The following ZNF333 variants were observed in gnomAD, a reference collection of about 807,000 sequenced individuals.
ZNF333 encodes zinc finger protein 333.
ZNF333 carries 61 observed loss-of-function variants against 76.1 expected under a neutral mutation model. The ratio of observed to expected loss-of-function variants is 0.80; its 90% CI spans 0.65 to 0.99. The LOEUF (loss-of-function observed/expected upper bound fraction) is 0.99, where lower values mean the gene tolerates loss of function less well. ZNF333 is among the 50% of genes least tolerant of loss of function. ZNF333 has a pLI of 0.00. For missense variants in ZNF333, 717 were observed against 822.4 expected (o/e 0.87, Z 1.57); for synonymous variants, 284 against 305.0 (o/e 0.93, Z 0.72).
intron 4 of ZNF333, among the ~76,000 whole-genome samples, chr19:14,698,359 G>A (rs1233039047): frequency 1.5e-5 from 2 of 129,520 alleles, no homozygotes; most frequent in African/African-American, 6.0e-5. Flanking sequence ...GGGCGACAGA[G>A]TGAGACTCCG....
chr19:14,727,587 C>T (rs917738681), intron 11 of ZNF333, among the ~76,000 whole-genome samples: 2 of 151,984 alleles, frequency 1.3e-5, no homozygotes, highest in African/African-American at 2.4e-5. Flanking sequence ...CATTCATGAG[C>T]GATTTGCCCC....
intron 11 of ZNF333, among the ~76,000 whole-genome samples, 192 bp from the exon 12 acceptor site, chr19:14,718,036 A>G (rs1475633964): frequency 6.6e-6 from 1 of 152,228 alleles, no homozygotes; most frequent in Non-Finnish European, 1.5e-5. Context: ...AAAATAATGA[A>G]AAGATAGCTC....
At chr19:14,695,491 G>A in intron 3 of ZNF333, 75 bp from the exon 4 acceptor site, 1 of 1,381,454 alleles carries the variant, frequency 7.2e-7, no homozygotes, top group South Asian at 1.2e-5. Flanking sequence ...AGGAGAGTTT[G>A]AGTTGAGAAA....
rs756174679 is a variant in ZNF333 at position 14,715,418 on chromosome 19, A to T, written c.548A>T (p.Asp183Val). The T allele has an allele frequency of 6.2e-7, 1 of 1,613,892 alleles. No homozygotes were observed. The highest frequency in any genetic ancestry group is 1.3e-5 in the African/African-American group (1 of 74,904). ...CGTGACCCTGCCTGGCTTCAGGAGG[A>T]CAAAGTGGAGGAAGAAGCTATGGCT... Reference protein sequence around the residue: ...PARDPAWLQEDKVEEEAMAPG... With the variant: ...PARDPAWLQEVKVEEEAMAPG... Residue 183 changes from aspartate (D) to valine (V), a missense_variant, in exon 8 of 12, where the codon GAC becomes GTC. Asp to Val is a radical substitution (Grantham distance 152). Transcript: ENST00000292530.
chr19:14,698,935 T>TACAC (rs1555771124), intron 4 of ZNF333, among the ~76,000 whole-genome samples: 3,113 of 139,076 alleles, frequency 0.022, 69 homozygotes, highest in East Asian at 0.069. Context: ...TATATATATA[T>TACAC]ACACACATAT....
chr19:14,693,980 T>TAAAAAAAAAA, intron 2 of ZNF333, among the ~76,000 whole-genome samples: 1 of 113,128 alleles, frequency 8.8e-6, no homozygotes, highest in Non-Finnish European at 1.8e-5. Flanking sequence ...ACCTTGTCTC[T>TAAAAAAAAAA]AAAAAAAAAA....
intron 8 of ZNF333, among the ~76,000 whole-genome samples, chr19:14,715,848 G>C (rs1237767434): frequency 2.6e-5 from 4 of 152,190 alleles, no homozygotes; most frequent in African/African-American, 9.7e-5. Flanking sequence ...CTGGCTCCTT[G>C]TCAATAGATA....
At position 14,720,683 on chromosome 19, in the gene ZNF333, T is replaced by C. The variant is rs1350601890; in HGVS notation, c.*1358T>C. 9 of 985,334 alleles carry C rather than the reference T, an allele frequency of 9.1e-6. No homozygotes were observed. The highest frequency in any genetic ancestry group is 1.1e-5 in the Non-Finnish European group (9 of 829,938). The allele number at this position is 985,334 out of a possible 1,614,324, so 61.0% of individuals were successfully genotyped here. A position where few individuals can be genotyped will look rare whatever the true frequency, so the allele number is the denominator to read the frequency against. On this transcript the variant is annotated 3_prime_UTR_variant, in exon 12 of 12. Coordinates refer to ENST00000292530, the MANE Select transcript of ZNF333 (RefSeq NM_032433.4). ...TGATGCACTTAGTATATGTCAGTTT[T>C]TATAAATGCTTCATGGATGGTTGAA... is the stretch of plus-strand genomic sequence containing the variant.
exon 12 of ZNF333, chr19:14,731,419 C>A: frequency 1.8e-6 from 1 of 565,272 alleles, no homozygotes; most frequent in East Asian, 2.9e-5. Flanking sequence ...ATTGTAGGTT[C>A]CCCGCAAGGA....
At chr19:14,714,540 G>A (rs1442713520) in intron 7 of ZNF333, among the ~76,000 whole-genome samples, 3 of 152,156 alleles carry the variant, frequency 2.0e-5, no homozygotes, top group Non-Finnish European at 4.4e-5. Flanking sequence ...CTAAAACTGC[G>A]AGAGGATACA....
chr19:14,719,034 A>T lies in ZNF333; in HGVS notation c.1707A>T (p.Arg569=), dbSNP rs780686069. Residue 569 remains arginine (R), a synonymous_variant, in exon 12 of 12, where the codon CGA becomes CGT. Transcript: ENST00000292530. The stretch of plus-strand genomic sequence containing the variant: ...CCTATGTGTGCCAGGAATGTGGGCG[A>T]GCCTTCAGTGAGCCCTCATCCCTCA... ...EKPYVCQECG[R]AFSEPSSLRK... is the part of the protein sequence containing the mutation. 4 of 1,614,156 alleles carry T rather than the reference A, an allele frequency of 2.5e-6. No individual in the cohort carries two copies. The South Asian group carries it at 4.4e-5, about 18-fold the overall frequency.
intron 2 of ZNF333, among the ~76,000 whole-genome samples, chr19:14,694,632 A>G (rs1973039611): frequency 1.3e-5 from 2 of 152,204 alleles, no homozygotes; most frequent in African/African-American, 4.8e-5. Flanking sequence ...TGTAATAAGG[A>G]GTTTAGGAAA....
intron 11 of ZNF333, among the ~76,000 whole-genome samples, chr19:14,728,874 T>A (rs1466504631): frequency 6.6e-6 from 1 of 152,184 alleles, no homozygotes; most frequent in Non-Finnish European, 1.5e-5. Flanking sequence ...GGGTTTTATA[T>A]CCTTAACGCA....
At position 14,719,248 on chromosome 19, in the gene ZNF333, G is replaced by A; in HGVS notation, c.1921G>A (p.Val641Met). ...SSLTVHKRTH[V>M]GRETIRNGSL... ...ACTCACTGTACACAAAAGAACCCAT[G>A]TGGGAAGAGAGACCATTAGGAATGG... The change falls in exon 12 of 12, where the codon GTG (valine) becomes ATG (methionine). Residue 641 changes from valine to methionine, a missense_variant. Val to Met is a conservative substitution (Grantham distance 21). Transcript: ENST00000292530. 1 of 1,614,228 alleles carries A rather than the reference G, an allele frequency of 6.2e-7. No individual in the cohort carries two copies. Among genetic ancestry groups the A allele is most frequent in the Non-Finnish European group, 8.5e-7 (1 of 1,180,048 alleles).
chr19:14,731,944 C>T (rs2732799), exon 12 of ZNF333: 34,061 of 152,148 alleles, frequency 0.22, 4,051 homozygotes, highest in Non-Finnish European at 0.26. Flanking sequence ...TCCCCAACCT[C>T]GTCTGTGTTT....
chr19:14,727,024 C>CTTT (rs33936016), intron 11 of ZNF333, among the ~76,000 whole-genome samples: 388 of 70,068 alleles, frequency 5.5e-3, no homozygotes, highest in Non-Finnish European at 7.7e-3. Context: ...AGAAAAGAGG[C>CTTT]TTTTTTTTTT....
chr19:14,693,578 A>G, intron 2 of ZNF333, 84 bp downstream of exon 2: 1 of 1,476,670 alleles, frequency 6.8e-7, no homozygotes, highest in Non-Finnish European at 9.2e-7. Flanking sequence ...CTCTCTCGCC[A>G]CTTCCGTCCC....
At chr19:14,710,494 G>C (rs991837839) in intron 7 of ZNF333, among the ~76,000 whole-genome samples, 12 of 152,118 alleles carry the variant, frequency 7.9e-5, no homozygotes, top group African/African-American at 2.9e-4. Flanking sequence ...CAGCAAAGGG[G>C]GTGCCAGGTG....
Position 14,705,148 on chromosome 19 carries a change from C to A in ZNF333, c.401C>A (p.Pro134Gln). The A allele has an allele frequency of 6.2e-7, 1 of 1,613,592 alleles. No individual in the cohort carries two copies. The highest frequency in any genetic ancestry group is 1.1e-5 in the South Asian group (1 of 91,046). Residue 134 changes from proline to glutamine, a missense_variant, in exon 6 of 12, where the codon CCG becomes CAG. By Grantham distance (76) the Pro-to-Gln change is moderately conservative (BLOSUM62 -1). Coordinates refer to ENST00000292530, the MANE Select transcript of ZNF333 (RefSeq NM_032433.4). ...TREDRPALQE[P>Q]PWSLGCTGLK... ...GAGGACCGGCCAGCTCTCCAGGAGC[C>A]GCCTTGGTCTCTGGGATGCACGGTA...
Sources: gnomAD v4.1 joint callset for allele counts (sites outside exome capture counted in the v4.1 genomes callset) on GRCh38, gnomAD v4.1.1 for gene constraint, MANE v1.5 for transcripts, NCBI Gene and HGNC (gene_info 2026-07-23, HGNC 2026-07-21) for gene names.